Variants in CSMD1 observed in about 807,000 individuals in gnomAD.
The protein encoded by CSMD1 is CUB and sushi domain-containing protein 1.
A neutral mutation model predicts 417.5 loss-of-function variants in CSMD1; 213 were observed. The observed-to-expected ratio is 0.51, with a 90% CI of 0.46 to 0.57. CSMD1 has a LOEUF of 0.57. Ranked by LOEUF, CSMD1 falls within the 20% of genes least tolerant of loss-of-function variation. The pLI, the probability that CSMD1 is intolerant of heterozygous loss-of-function variation, is 0.00. For missense variants in CSMD1, 6,923 were observed against 4,529.7 expected (o/e 1.53, Z -15.17); for synonymous variants, 2,862 against 1,736.8 (o/e 1.65, Z -16.11).
At chr8:3,669,505 T>C (rs939476686) in intron 7 of CSMD1, among the ~76,000 whole-genome samples, 1 of 152,172 alleles carries the variant, frequency 6.6e-6, no homozygotes, top group Non-Finnish European at 1.5e-5. Context: ...ATATTGAGAA[T>C]ACAAGTCCCA....
chr8:4,085,294 C>G (rs1800361235), intron 3 of CSMD1, among the ~76,000 whole-genome samples: 1 of 152,172 alleles, frequency 6.6e-6, no homozygotes, highest in Admixed American at 6.5e-5. Context: ...ACATCCTTAT[C>G]TAGTTAGGAA....
intron 2 of CSMD1, among the ~76,000 whole-genome samples, chr8:4,469,228 G>A (rs1471454370): frequency 6.6e-6 from 1 of 152,080 alleles, no homozygotes. Context: ...CCTAAGGAAA[G>A]GAAAGCTCAT....
chr8:4,214,382 CT>C (rs1800505474), intron 3 of CSMD1, among the ~76,000 whole-genome samples: 1 of 152,204 alleles, frequency 6.6e-6, no homozygotes, highest in Non-Finnish European at 1.5e-5. Flanking sequence ...ACTGCAACCT[CT>C]GCCTCCTGGA....
intron 3 of CSMD1, among the ~76,000 whole-genome samples, chr8:4,238,837 A>G (rs1453106438): frequency 6.6e-6 from 1 of 152,204 alleles, no homozygotes; most frequent in Non-Finnish European, 1.5e-5. Context: ...AGTCATACTA[A>G]TAAGTACATT....
intron 10 of CSMD1, among the ~76,000 whole-genome samples, chr8:3,538,980 T>G (rs1313218506): frequency 6.6e-6 from 1 of 152,182 alleles, no homozygotes; most frequent in Non-Finnish European, 1.5e-5. Flanking sequence ...CTAGAAATCC[T>G]GCAGCAGCAT....
At chr8:4,740,236 A>G (rs992100370) in intron 1 of CSMD1, among the ~76,000 whole-genome samples, 2 of 152,174 alleles carry the variant, frequency 1.3e-5, no homozygotes, top group Non-Finnish European at 2.9e-5. Context: ...TAGAATCTCT[A>G]TGTGCAATTT....
chr8:3,374,913 A>T (rs1390023958), intron 18 of CSMD1, among the ~76,000 whole-genome samples: 1 of 152,176 alleles, frequency 6.6e-6, no homozygotes, highest in East Asian at 1.9e-4. Context: ...GTTGCCTGGA[A>T]CTCAGAAATT....
At chr8:3,608,443 A>C (rs1407736308) in intron 8 of CSMD1, among the ~76,000 whole-genome samples, 1 of 152,094 alleles carries the variant, frequency 6.6e-6, no homozygotes, top group African/African-American at 2.4e-5. Context: ...ATGTTCTTAA[A>C]AGGATAGAAG....
At chr8:3,578,283 G>C (rs1800235834) in intron 9 of CSMD1, among the ~76,000 whole-genome samples, 1 of 150,532 alleles carries the variant, frequency 6.6e-6, no homozygotes, top group Non-Finnish European at 1.5e-5. Flanking sequence ...CCAGGGCTGA[G>C]CTTTGTACTG....
intron 7 of CSMD1, among the ~76,000 whole-genome samples, chr8:3,670,722 A>C (rs547454639): frequency 7.9e-5 from 11 of 139,216 alleles, no homozygotes; most frequent in African/African-American, 2.9e-4. Context: ...TGTATATGGG[A>C]TATACATGTA....
chr8:4,642,642 A>G (rs1332467548), intron 1 of CSMD1, among the ~76,000 whole-genome samples: 1 of 152,208 alleles, frequency 6.6e-6, no homozygotes, highest in South Asian at 2.1e-4. Context: ...AGAGGTGGAC[A>G]TAATATTTAA....
chr8:3,215,154 A>G, intron 29 of CSMD1, among the ~76,000 whole-genome samples: 1 of 152,236 alleles, frequency 6.6e-6, no homozygotes, highest in East Asian at 1.9e-4. Context: ...AAAATGAAAC[A>G]GTTTAATTCC....
rs1472168167 is a variant in CSMD1 at position 3,221,537 on chromosome 8, C to CAAACAAAG, written c.4485-2096_4485-2095insCTTTGTTT. ...ATACTGCCAGACACAGGAAAACAAA[C>CAAACAAAG]AAACAAACAAACAAACAAACAAACA... On this transcript the variant is annotated intron_variant, in intron 28 of 69. Coordinates refer to ENST00000635120, the MANE Select transcript of CSMD1 (RefSeq NM_033225.6). 2.0e-5 allele frequency among the ~76,000 whole-genome samples: 3 copies of CAAACAAAG among 151,414 alleles called. No individual in the cohort carries two copies. In the East Asian group the frequency reaches 5.8e-4, roughly 29 times the overall value.
intron 3 of CSMD1, among the ~76,000 whole-genome samples, chr8:4,369,039 G>A (rs551802394): frequency 6.6e-6 from 1 of 151,946 alleles, no homozygotes; most frequent in African/African-American, 2.4e-5. Flanking sequence ...TTTGATGTTA[G>A]GTTGCTAATT....
chr8:3,682,375 G>A (rs539197440), intron 7 of CSMD1, among the ~76,000 whole-genome samples: 153 of 152,254 alleles, frequency 1.0e-3, no homozygotes, highest in African/African-American at 3.5e-3. Flanking sequence ...TCAACAAGTG[G>A]GTGAAGGACA....
At chr8:4,732,382 T>TGTGTG (rs1563244601) in intron 1 of CSMD1, among the ~76,000 whole-genome samples, 1 of 117,774 alleles carries the variant, frequency 8.5e-6, no homozygotes, top group Non-Finnish European at 1.8e-5. Flanking sequence ...TGTGTGTGTG[T>TGTGTG]AGTGTTTTTC....
chr8:3,180,893 C>T (rs1207396758), intron 37 of CSMD1, among the ~76,000 whole-genome samples: 1 of 152,226 alleles, frequency 6.6e-6, no homozygotes, highest in African/African-American at 2.4e-5. Context: ...ATCCGCCCAC[C>T]TCTTCCTCCC....
Position 3,348,010 on chromosome 8 carries a change from A to C in CSMD1, c.3456T>G (p.Phe1152Leu). The C allele has an allele frequency of 6.2e-7, 1 of 1,600,238 alleles. No individual in the cohort carries two copies. Reference sequence around the variant, plus strand: ...TTTTTACCTTTAGAGTATCTCCTTCAAACAGCTGGAAGCTTCGTGTTCTAA... The same window carrying C: ...TTTTTACCTTTAGAGTATCTCCTTCCAACAGCTGGAAGCTTCGTGTTCTAA... ...IHLRTRSFQL[F>L]EGDTLKVYDG... Residue 1152 changes from phenylalanine to leucine, a missense_variant, in exon 22 of 70, where the codon TTT (phenylalanine) becomes TTG (leucine). Transcript: ENST00000635120.
chr8:3,652,163 GCGCTTACCACCATCAGAA>G lies in CSMD1; in HGVS notation c.1010-35384_1010-35367del, dbSNP rs1485782093. The stretch of plus-strand genomic sequence containing the variant: ...CATCAGAGCGCTTACCACCATCAGA[GCGCTTACCACCATCAGAA>G]CACCTACCACCTTCAGCGGGCCTAC... On this transcript the variant is annotated intron_variant, in intron 7 of 69. Transcript: ENST00000635120. 3.1e-3 allele frequency among the ~76,000 whole-genome samples: 422 copies of G among 134,016 alleles called. 8 individuals are homozygous for G. The highest frequency in any genetic ancestry group is 0.011 in the African/African-American group (385 of 33,864). 87.9% of individuals were successfully genotyped at this position (134,016 alleles called of 152,430 possible).
Sources: gnomAD v4.1 joint callset for allele counts (sites outside exome capture counted in the v4.1 genomes callset) on GRCh38, gnomAD v4.1.1 for gene constraint, MANE v1.5 for transcripts, NCBI Gene and HGNC (gene_info 2026-07-23, HGNC 2026-07-21) for gene names.